Variants in SLC2A4 observed in about 807,000 individuals in gnomAD.
SLC2A4 encodes the protein solute carrier family 2, facilitated glucose transporter member 4.
In SLC2A4, 31 loss-of-function variants were observed where a neutral mutation model predicts 53.3. That is an observed-to-expected ratio of 0.58 (90% CI 0.44 to 0.78). The LOEUF (loss-of-function observed/expected upper bound fraction) is 0.78. SLC2A4 is among the 30% of genes least tolerant of loss of function. The probability of loss-of-function intolerance (pLI) is 0.00; values close to 1 mark genes in which losing one functional copy is unlikely to be tolerated. For synonymous variants in SLC2A4, 276 were observed against 281.9 expected (o/e 0.98, Z 0.21); for missense variants, 538 against 655.7 (o/e 0.82, Z 1.96).
In SLC2A4 at chr17:7,287,115, G is replaced by GGTTCTCTTTTTTT. The variant is rs542749322; in HGVS notation, c.*486_*487insGTTCTCTTTTTTT. 5.1e-5 allele frequency: 5 copies of GGTTCTCTTTTTTT among 97,696 alleles called. 2 individuals are homozygous for GGTTCTCTTTTTTT. The highest frequency in any genetic ancestry group is 4.2e-5 in the African/African-American group (1 of 23,918). 6.1% of individuals were successfully genotyped at this position (97,696 alleles called of 1,614,324 possible). ...TGCCACGCAGACTCTGGGCAAAGGG[G>GGTTCTCTTTTTTT]TTTTTTTTTTTTTTTTTTTTTTTTT... is the stretch of plus-strand genomic sequence containing the variant. On this transcript the variant is annotated 3_prime_UTR_variant, in exon 11 of 11. Coordinates refer to ENST00000317370, the MANE Select transcript of SLC2A4 (RefSeq NM_001042.3).
chr17:7,285,691 T>C lies in SLC2A4; in HGVS notation c.1123-14T>C. 6.2e-7 allele frequency: 1 copy of C among 1,613,894 alleles called. No homozygotes were observed. ...CCTCAACTGGATTCTCCACCCTCCC[T>C]GTCTGGCCCCTAGGAGCGAGTTCCA... On this transcript the variant is annotated splice_polypyrimidine_tract_variant and intron_variant, in intron 9 of 10. Transcript: ENST00000317370. The surrounding 1 kb of genome is among the most constrained non-coding windows in gnomAD (Gnocchi z 6.0).
chr17:7,287,115 G>GTTTTTTTT lies in SLC2A4; in HGVS notation c.*508_*515dup. 1 of 97,696 alleles carries GTTTTTTTT rather than the reference G, an allele frequency of 1.0e-5. No individual in the cohort carries two copies. Among genetic ancestry groups the GTTTTTTTT allele is most frequent in the East Asian group, 3.1e-4 (1 of 3,212 alleles). The allele number at this position is 97,696 out of a possible 1,614,324, so 6.1% of individuals were successfully genotyped here. A position where few individuals can be genotyped will look rare whatever the true frequency, so the allele number is the denominator to read the frequency against. On this transcript the variant is annotated 3_prime_UTR_variant, in exon 11 of 11. Coordinates refer to ENST00000317370, the MANE Select transcript of SLC2A4 (RefSeq NM_001042.3). ...TGCCACGCAGACTCTGGGCAAAGGG[G>GTTTTTTTT]TTTTTTTTTTTTTTTTTTTTTTTTT...
In SLC2A4 at chr17:7,287,117, T is replaced by TC. The variant is rs1567603287; in HGVS notation, c.*488_*489insC. The stretch of plus-strand genomic sequence containing the variant: ...CCACGCAGACTCTGGGCAAAGGGGT[T>TC]TTTTTTTTTTTTTTTTTTTTTTTTT... On this transcript the variant is annotated 3_prime_UTR_variant, in exon 11 of 11. Transcript: ENST00000317370. The TC allele has an allele frequency of 2.1e-3, 98 of 47,518 alleles. 10 individuals are homozygous for TC. The highest frequency in any genetic ancestry group is 2.7e-3 in the South Asian group (5 of 1,876). 2.9% of individuals were successfully genotyped at this position (47,518 alleles called of 1,614,324 possible).
rs757027199 is a variant in SLC2A4, at chr17:7,284,873, G to C, written c.954G>C (p.Gly318=). 1.2e-6 allele frequency: 2 copies of C among 1,614,100 alleles called. No individual in the cohort carries two copies. The highest frequency in any genetic ancestry group is 1.7e-6 in the Non-Finnish European group (2 of 1,180,038). Reference sequence around the variant, plus strand: ...CGACCAGCATCTTCGAGACAGCAGGGGTAGGCCAGCCTGCCTATGCCACCA... The same window carrying C: ...CGACCAGCATCTTCGAGACAGCAGGCGTAGGCCAGCCTGCCTATGCCACCA... ...YYSTSIFETA[G]VGQPAYATIG... is the part of the protein sequence containing the mutation. The change falls in exon 8 of 11, where the codon GGG becomes GGC. Residue 318 remains glycine (G), a synonymous_variant. Coordinates refer to ENST00000317370, the MANE Select transcript of SLC2A4 (RefSeq NM_001042.3). This position sits in a 1 kb window ranked among gnomAD's most constrained non-coding sequence, Gnocchi z 7.5.
At position 7,286,797 on chromosome 17, in the gene SLC2A4, T is replaced by C. The variant is rs2072454375; in HGVS notation, c.*168T>C. 4 of 667,598 alleles carry C rather than the reference T, an allele frequency of 6.0e-6. 1 individual carries two copies. The highest frequency in any genetic ancestry group is 5.1e-5 in the South Asian group (3 of 58,962). The allele number at this position is 667,598 out of a possible 1,614,324, so 41.4% of individuals were successfully genotyped here. A position where few individuals can be genotyped will look rare whatever the true frequency, so the allele number is the denominator to read the frequency against. ...GGGGAAGGGTGGTCTGAGCACCCCC[T>C]CATTCCCCTCGTGTGACTCTCTTGG... On this transcript the variant is annotated 3_prime_UTR_variant, in exon 11 of 11. Transcript: ENST00000317370.
rs1360929498 is a variant in SLC2A4, at chr17:7,286,729, G to C, written c.*100G>C. The C allele has an allele frequency of 8.8e-7, 1 of 1,141,084 alleles. No individual in the cohort carries two copies. The highest frequency in any genetic ancestry group is 1.3e-6 in the Non-Finnish European group (1 of 762,288). The allele number at this position is 1,141,084 out of a possible 1,614,324, so 70.7% of individuals were successfully genotyped here. A position where few individuals can be genotyped will look rare whatever the true frequency, so the allele number is the denominator to read the frequency against. On this transcript the variant is annotated 3_prime_UTR_variant, in exon 11 of 11. Transcript: ENST00000317370. The stretch of plus-strand genomic sequence containing the variant: ...TAACCCTCTCTTCCCTATTATTTCC[G>C]GGTGGAAAAGAATCCCTGCAGCCTG...
chr17:7,282,269 G>T lies in SLC2A4; in HGVS notation c.33+302G>T, dbSNP rs1361315555. On this transcript the variant is annotated intron_variant, in intron 1 of 10. Coordinates refer to ENST00000317370, the MANE Select transcript of SLC2A4 (RefSeq NM_001042.3). This position sits in a 1 kb window ranked among gnomAD's most constrained non-coding sequence, Gnocchi z 4.1. ...CCGGAATCGGGGACACCCTGCCCTC[G>T]ATCCGACTCGGGAAAGCAGATCCAG... The T allele has an allele frequency of 1.0e-5, 6 of 581,318 alleles. No individual in the cohort carries two copies. Among genetic ancestry groups the T allele is most frequent in the South Asian group, 4.6e-5 (3 of 64,568 alleles). The allele number at this position is 581,318 out of a possible 1,614,324, so 36.0% of individuals were successfully genotyped here.
rs778453219 is a variant in SLC2A4 at position 7,285,806 on chromosome 17, C to A, written c.1224C>A (p.Ala408=). The change falls in exon 10 of 11, where the codon GCC becomes GCA. Residue 408 remains alanine, a synonymous_variant. Coordinates refer to ENST00000317370, the MANE Select transcript of SLC2A4 (RefSeq NM_001042.3). The surrounding 1 kb of genome is among the most constrained non-coding windows in gnomAD (Gnocchi z 6.0). ...GCCCCATTCCTTGGTTCATCGTGGC[C>A]GAGCTCTTCAGCCAGGGACCCCGCC... ...GPGPIPWFIV[A]ELFSQGPRPA... is the part of the protein sequence containing the mutation. 6.2e-7 allele frequency: 1 copy of A among 1,614,176 alleles called. No individual in the cohort carries two copies. Among genetic ancestry groups the A allele is most frequent in the East Asian group, 2.2e-5 (1 of 44,892 alleles).
At position 7,286,440 on chromosome 17, in the gene SLC2A4, C is replaced by T. The variant is rs529819939; in HGVS notation, c.1341C>T (p.Pro447=). 6.2e-7 allele frequency: 1 copy of T among 1,614,080 alleles called. No homozygotes were observed. The highest frequency in any genetic ancestry group is 1.1e-5 in the South Asian group (1 of 91,064). The change falls in exon 11 of 11, where the codon CCC becomes CCT. Residue 447 remains proline (P), a synonymous_variant. Transcript: ENST00000317370. ...ACCTGTCCCAGGAGGCTATGGGGCC[C>T]TACGTCTTCCTTCTATTTGCGGTCC... ...GFQYVAEAMG[P]YVFLLFAVLL... is the part of the protein sequence containing the mutation.
Position 7,285,317 on chromosome 17 carries a change from A to T in SLC2A4, c.1122+128A>T. The T allele has an allele frequency of 7.5e-6, 6 of 797,824 alleles. No individual in the cohort carries two copies. The South Asian group carries it at 8.8e-5, about 12-fold the overall frequency. 49.4% of individuals were successfully genotyped at this position (797,824 alleles called of 1,614,324 possible). A position where few individuals can be genotyped will look rare whatever the true frequency, so the allele number is the denominator to read the frequency against. Reference sequence around the variant, plus strand: ...ATCCTGGCGCCAGCTCCGGACCAGGACTGGGGCTGACTGGCTCCAGAATCT... The same window carrying T: ...ATCCTGGCGCCAGCTCCGGACCAGGTCTGGGGCTGACTGGCTCCAGAATCT... On this transcript the variant is annotated intron_variant, in intron 9 of 10. Transcript: ENST00000317370. This position sits in a 1 kb window ranked among gnomAD's most constrained non-coding sequence, Gnocchi z 6.0.
At position 7,284,026 on chromosome 17, in the gene SLC2A4, C is replaced by T. The variant is rs1298153346; in HGVS notation, c.501C>T (p.His167=). 4 of 1,614,026 alleles carry T rather than the reference C, an allele frequency of 2.5e-6. No homozygotes were observed. Among genetic ancestry groups the T allele is most frequent in the Admixed American group, 3.3e-5 (2 of 59,998 alleles). The change falls in exon 5 of 11, where the codon CAC becomes CAT. Residue 167 remains histidine, a synonymous_variant. Coordinates refer to ENST00000317370, the MANE Select transcript of SLC2A4 (RefSeq NM_001042.3). This position sits in a 1 kb window ranked among gnomAD's most constrained non-coding sequence, Gnocchi z 7.5. The stretch of plus-strand genomic sequence containing the variant: ...ACGTGGGGGAGATTGCTCCCACTCA[C>T]CTGCGGGGCGCCCTGGGGACGCTCA... ...PMYVGEIAPT[H]LRGALGTLNQ... is the part of the protein sequence containing the mutation.
Position 7,282,933 on chromosome 17 carries a change from C to G in SLC2A4, c.34-312C>G. 2.4e-6 allele frequency: 1 copy of G among 409,330 alleles called. No homozygotes were observed. The highest frequency in any genetic ancestry group is 2.1e-5 in the South Asian group (1 of 47,376). 25.4% of individuals were successfully genotyped at this position (409,330 alleles called of 1,614,324 possible). On this transcript the variant is annotated intron_variant, in intron 1 of 10. Transcript: ENST00000317370. The surrounding 1 kb of genome is among the most constrained non-coding windows in gnomAD (Gnocchi z 4.1). The stretch of plus-strand genomic sequence containing the variant: ...GTTCGGGGCAGGGAAGTGACTTGGC[C>G]AAGGTCACACAAATCTGAGCTCTTA...
chr17:7,285,318 C>A lies in SLC2A4; in HGVS notation c.1122+129C>A. ...TCCTGGCGCCAGCTCCGGACCAGGA[C>A]TGGGGCTGACTGGCTCCAGAATCTG... is the stretch of plus-strand genomic sequence containing the variant. On this transcript the variant is annotated intron_variant, in intron 9 of 10. Transcript: ENST00000317370. This position sits in a 1 kb window ranked among gnomAD's most constrained non-coding sequence, Gnocchi z 6.0. The A allele has an allele frequency of 1.3e-6, 1 of 798,736 alleles. No individual in the cohort carries two copies. The highest frequency in any genetic ancestry group is 2.1e-6 in the Non-Finnish European group (1 of 478,262). 49.5% of individuals were successfully genotyped at this position (798,736 alleles called of 1,614,324 possible). A position where few individuals can be genotyped will look rare whatever the true frequency, so the allele number is the denominator to read the frequency against.
rs1161507078 is a variant in SLC2A4, at chr17:7,287,117, T to G, written c.*488T>G. 18,263 of 47,328 alleles carry G rather than the reference T, an allele frequency of 0.39. 2,999 individuals carry two copies. The highest frequency in any genetic ancestry group is 0.44 in the South Asian group (823 of 1,868). 2.9% of individuals were successfully genotyped at this position (47,328 alleles called of 1,614,324 possible). A position where few individuals can be genotyped will look rare whatever the true frequency, so the allele number is the denominator to read the frequency against. ...CCACGCAGACTCTGGGCAAAGGGGT[T>G]TTTTTTTTTTTTTTTTTTTTTTTTT... On this transcript the variant is annotated 3_prime_UTR_variant, in exon 11 of 11. Coordinates refer to ENST00000317370, the MANE Select transcript of SLC2A4 (RefSeq NM_001042.3).
chr17:7,285,160 A>G lies in SLC2A4; in HGVS notation c.1093A>G (p.Ile365Val). ...CCTGGCGGGCATGTGTGGCTGTGCCATCCTGATGACTGTGGCTCTGCTCCT... is the reference window on the plus strand; with the variant it reads ...CCTGGCGGGCATGTGTGGCTGTGCCGTCCTGATGACTGTGGCTCTGCTCCT... ...LGLAGMCGCA[I>V]LMTVALLLLE... The change falls in exon 9 of 11, where the codon ATC becomes GTC. Residue 365 changes from isoleucine (I) to valine (V), a missense_variant. Physicochemically the swap from Ile to Val is conservative, Grantham distance 29. Transcript: ENST00000317370. The surrounding 1 kb of genome is among the most constrained non-coding windows in gnomAD (Gnocchi z 6.0). 6.2e-7 allele frequency: 1 copy of G among 1,602,742 alleles called. No individual in the cohort carries two copies. Among genetic ancestry groups the G allele is most frequent in the Non-Finnish European group, 8.5e-7 (1 of 1,176,362 alleles).
Position 7,283,192 on chromosome 17 carries a change from A to G in SLC2A4, c.34-53A>G. On this transcript the variant is annotated intron_variant, in intron 1 of 10. Coordinates refer to ENST00000317370, the MANE Select transcript of SLC2A4 (RefSeq NM_001042.3). This position sits in a 1 kb window ranked among gnomAD's most constrained non-coding sequence, Gnocchi z 5.8. The stretch of plus-strand genomic sequence containing the variant: ...CTGGGCCCGGGCCCCTAGCGGAAGG[A>G]AAAAAATCATGGTTCCATGTGACAT... The G allele has an allele frequency of 6.7e-7, 1 of 1,499,526 alleles. No individual in the cohort carries two copies. Among genetic ancestry groups the G allele is most frequent in the Middle Eastern group, 1.8e-4 (1 of 5,506 alleles). 92.9% of individuals were successfully genotyped at this position (1,499,526 alleles called of 1,614,324 possible).
rs5418 is a variant in SLC2A4, at chr17:7,281,773, G to A, written c.-162G>A. ...CCGCGGGAGCCCCACTGCTCTCCGG[G>A]TCCTTGGCTTGTGGCTGTGGGTCCC... On this transcript the variant is annotated 5_prime_UTR_variant, in exon 1 of 11. Coordinates refer to ENST00000317370, the MANE Select transcript of SLC2A4 (RefSeq NM_001042.3). 0.55 allele frequency: 400,894 copies of A among 733,514 alleles called. 113,231 individuals are homozygous for A. The highest frequency in any genetic ancestry group is 0.61 in the Middle Eastern group (1,687 of 2,756). 45.4% of individuals were successfully genotyped at this position (733,514 alleles called of 1,614,324 possible). A position where few individuals can be genotyped will look rare whatever the true frequency, so the allele number is the denominator to read the frequency against.
In SLC2A4 at chr17:7,286,798, C is replaced by A; in HGVS notation, c.*169C>A. The A allele has an allele frequency of 4.5e-6, 3 of 669,172 alleles. No homozygotes were observed. In the East Asian group the frequency reaches 8.1e-5, roughly 18 times the overall value. 41.5% of individuals were successfully genotyped at this position (669,172 alleles called of 1,614,324 possible). A position where few individuals can be genotyped will look rare whatever the true frequency, so the allele number is the denominator to read the frequency against. ...GGGAAGGGTGGTCTGAGCACCCCCT[C>A]ATTCCCCTCGTGTGACTCTCTTGGA... On this transcript the variant is annotated 3_prime_UTR_variant, in exon 11 of 11. Transcript: ENST00000317370.
At position 7,285,307 on chromosome 17, in the gene SLC2A4, C is replaced by A; in HGVS notation, c.1122+118C>A. The A allele has an allele frequency of 1.1e-6, 1 of 882,354 alleles. No homozygotes were observed. The highest frequency in any genetic ancestry group is 1.8e-6 in the Non-Finnish European group (1 of 551,468). The allele number at this position is 882,354 out of a possible 1,614,324, so 54.7% of individuals were successfully genotyped here. A position where few individuals can be genotyped will look rare whatever the true frequency, so the allele number is the denominator to read the frequency against. ...CATGCTTTCAATCCTGGCGCCAGCT[C>A]CGGACCAGGACTGGGGCTGACTGGC... On this transcript the variant is annotated intron_variant, in intron 9 of 10. Transcript: ENST00000317370. The surrounding 1 kb of genome is among the most constrained non-coding windows in gnomAD (Gnocchi z 6.0).
Sources: gnomAD v4.1 joint callset for allele counts on GRCh38, gnomAD v4.1.1 for gene constraint, Gnocchi (gnomAD v3.1) non-coding constraint, MANE v1.5 for transcripts, NCBI Gene and HGNC (gene_info 2026-07-23, HGNC 2026-07-21) for gene names.